CCAR1: variants seen among roughly 807,000 people sequenced by gnomAD.
CCAR1 encodes the protein cell division cycle and apoptosis regulator 1, also known as cell division cycle and apoptosis regulator protein 1.
CCAR1 carries 78 observed loss-of-function variants against 163.8 expected under a neutral mutation model. The observed-to-expected ratio is 0.48, with a 90% CI of 0.40 to 0.57. The LOEUF (loss-of-function observed/expected upper bound fraction) is 0.57. Ranked by LOEUF, CCAR1 falls within the 20% of genes least tolerant of loss-of-function variation. The pLI, the probability that CCAR1 is intolerant of heterozygous loss-of-function variation, is 0.00. For missense variants in CCAR1, 1,019 were observed against 1,365.2 expected, an observed-to-expected ratio of 0.75 and a Z score of 4.00; for synonymous variants, 443 against 460.7, an observed-to-expected ratio of 0.96 and a Z score of 0.49.
chr10:68,742,320 A>G, intron 5 of CCAR1, 56 bp from the exon 6 acceptor site: 1 of 1,402,206 alleles, frequency 7.1e-7, no homozygotes, highest in Non-Finnish European at 9.7e-7. Context: ...AGTCATATTC[A>G]GTTTTTAGAT....
At chr10:68,767,521 C>A (rs896903839) in intron 17 of CCAR1, among the ~76,000 whole-genome samples, 1 of 152,190 alleles carries the variant, frequency 6.6e-6, no homozygotes, top group Non-Finnish European at 1.5e-5. Flanking sequence ...GCTGAGATTA[C>A]AGGCGTGAGC....
At chr10:68,773,742 C>T (rs1332996322) in intron 19 of CCAR1, among the ~76,000 whole-genome samples, 1 of 152,080 alleles carries the variant, frequency 6.6e-6, no homozygotes, top group Non-Finnish European at 1.5e-5. Context: ...ACAGGGTTCT[C>T]ACTGTATTAC....
chr10:68,736,657 C>T (rs1425936551), intron 2 of CCAR1, among the ~76,000 whole-genome samples: 1 of 152,030 alleles, frequency 6.6e-6, no homozygotes, highest in Non-Finnish European at 1.5e-5. Context: ...ACCGGATATT[C>T]TTCTTAAGGC....
intron 2 of CCAR1, among the ~76,000 whole-genome samples, chr10:68,727,692 G>T (rs1243624286): frequency 6.6e-6 from 1 of 152,044 alleles, no homozygotes; most frequent in Non-Finnish European, 1.5e-5. Flanking sequence ...GCCATTCTAG[G>T]GACCAGAGCT....
chr10:68,783,565 C>T (rs181668592), intron 19 of CCAR1, among the ~76,000 whole-genome samples: 1 of 152,078 alleles, frequency 6.6e-6, no homozygotes, highest in African/African-American at 2.4e-5. Flanking sequence ...GTCAGGAGTT[C>T]GAGACCAGCC....
intron 19 of CCAR1, among the ~76,000 whole-genome samples, chr10:68,784,990 T>A (rs2056779857): frequency 6.8e-6 from 1 of 148,064 alleles, no homozygotes; most frequent in South Asian, 2.1e-4. Context: ...CAATCTCGGC[T>A]CACTACAAGC....
intron 2 of CCAR1, among the ~76,000 whole-genome samples, chr10:68,724,490 T>C (rs1239120607): frequency 6.6e-6 from 1 of 152,010 alleles, no homozygotes; most frequent in Non-Finnish European, 1.5e-5. Flanking sequence ...AGGTCTCACT[T>C]TGTTACCCAG....
intron 3 of CCAR1, 90 bp from the exon 4 acceptor site, chr10:68,737,755 T>G: frequency 3.0e-6 from 2 of 668,874 alleles, no homozygotes; most frequent in Non-Finnish European, 5.1e-6. Context: ...TTTAGTGTAA[T>G]TGTATGTATT....
intron 5 of CCAR1, among the ~76,000 whole-genome samples, chr10:68,740,883 TTTTATTTATTTATTTA>T (rs754473259): frequency 3.6e-4 from 52 of 144,892 alleles, no homozygotes; most frequent in African/African-American, 9.4e-4. Flanking sequence ...TGAGGTTTTA[TTTTATTTATTTATTTA>T]TTTATTTATT....
intron 20 of CCAR1, 52 bp from the exon 21 acceptor site, chr10:68,786,494 G>A (rs781337886): frequency 4.8e-5 from 64 of 1,333,310 alleles, no homozygotes; most frequent in Middle Eastern, 1.9e-4. Flanking sequence ...CTTTTTGGGG[G>A]TAAAAAATTT....
intron 16 of CCAR1, among the ~76,000 whole-genome samples, chr10:68,763,484 G>C (rs1478594074): frequency 1.3e-5 from 2 of 150,974 alleles, no homozygotes; most frequent in East Asian, 2.0e-4. Context: ...GTCTCTCTCT[G>C]TTGCCCAGGC....
Position 68,773,031 on chromosome 10 carries a change from C to T in CCAR1, c.2582C>T (p.Thr861Ile). 1 of 1,550,292 alleles carries T rather than the reference C, an allele frequency of 6.5e-7. No homozygotes were observed. Among genetic ancestry groups the T allele is most frequent in the South Asian group, 1.2e-5 (1 of 83,046 alleles). ...GATGATTCTAAAGATGATGATGAAACTGAAGAAGATAACAATCAAGATGAA... is the reference window on the plus strand; with the variant it reads ...GATGATTCTAAAGATGATGATGAAATTGAAGAAGATAACAATCAAGATGAA... ...RKDDSKDDDETEEDNNQDEYD... is the reference protein window; with the variant it reads ...RKDDSKDDDEIEEDNNQDEYD... Residue 861 changes from threonine to isoleucine, a missense_variant, in exon 19 of 25, where the codon ACT becomes ATT. This residue lies in a region of CCAR1 where 358 missense variants were observed against 406.4 expected (regional missense o/e 0.88). Transcript: ENST00000265872.
intron 16 of CCAR1, among the ~76,000 whole-genome samples, chr10:68,765,520 A>T (rs1237129663): frequency 6.6e-6 from 1 of 152,088 alleles, no homozygotes; most frequent in Non-Finnish European, 1.5e-5. Context: ...TGATTTTTAT[A>T]TCTATATTGC....
At chr10:68,753,481 C>T (rs750830617) in intron 10 of CCAR1, among the ~76,000 whole-genome samples, 1 of 152,168 alleles carries the variant, frequency 6.6e-6, no homozygotes, top group Non-Finnish European at 1.5e-5. Flanking sequence ...CTAATACTCT[C>T]ATTGCTGTTT....
At chr10:68,782,269 G>T (rs1273478551) in intron 19 of CCAR1, among the ~76,000 whole-genome samples, 5 of 152,106 alleles carry the variant, frequency 3.3e-5, no homozygotes, top group Non-Finnish European at 7.4e-5. Context: ...GAGGTTTAAG[G>T]AAAGCAACCA....
chr10:68,767,946 A>G (rs2133390359), intron 17 of CCAR1, among the ~76,000 whole-genome samples: 1 of 152,356 alleles, frequency 6.6e-6, no homozygotes, highest in Non-Finnish European at 1.5e-5. Flanking sequence ...TAGAATTTCC[A>G]ACATATTAAT....
chr10:68,741,786 A>T (rs758098485), intron 5 of CCAR1, among the ~76,000 whole-genome samples: 1 of 152,220 alleles, frequency 6.6e-6, no homozygotes, highest in Non-Finnish European at 1.5e-5. Context: ...AGGAGCAGGG[A>T]TAGGAGAGAG....
At chr10:68,753,762 C>A (rs935462116) in intron 10 of CCAR1, 90 bp from the exon 11 acceptor site, 1 of 931,532 alleles carries the variant, frequency 1.1e-6, no homozygotes, top group East Asian at 2.4e-5. Context: ...TTACTTTTTA[C>A]TATATCCAGT....
chr10:68,736,246 T>G (rs1264708326), intron 2 of CCAR1, among the ~76,000 whole-genome samples: 8 of 152,168 alleles, frequency 5.3e-5, no homozygotes, highest in Non-Finnish European at 2.9e-5. Flanking sequence ...ATACCAAAGT[T>G]TTATAGATAA....
Sources: allele counts gnomAD v4.1 joint callset (sites outside exome capture counted in the v4.1 genomes callset), GRCh38; gene constraint gnomAD v4.1.1; regional missense constraint gnomAD v4.1.1; transcripts MANE v1.5; gene names NCBI Gene and HGNC (gene_info 2026-07-23, HGNC 2026-07-21).